Variants in PPP2R2A observed in about 807,000 individuals in gnomAD.
PPP2R2A encodes the protein serine/threonine-protein phosphatase 2A 55 kDa regulatory subunit B alpha isoform.
In PPP2R2A, 9 loss-of-function variants were observed where a neutral mutation model predicts 53.2. That is an observed-to-expected ratio of 0.17 (90% confidence interval 0.10 to 0.30). The LOEUF is 0.30. Ranked by LOEUF, PPP2R2A falls within the 10% of genes least tolerant of loss-of-function variation. The pLI, the probability that PPP2R2A is intolerant of heterozygous loss-of-function variation, is 1.00. For synonymous variants in PPP2R2A, 169 were observed against 174.2 expected, an observed-to-expected ratio of 0.97 and a Z score of 0.23; for missense variants, 235 against 534.6, an observed-to-expected ratio of 0.44 and a Z score of 5.53.
chr8:26,330,224 C>G (rs1173762563), intron 2 of PPP2R2A, among the ~76,000 whole-genome samples: 1 of 151,994 alleles, frequency 6.6e-6, no homozygotes, highest in African/African-American at 2.4e-5. Flanking sequence ...TCTTTCACTT[C>G]AAATAGTATG....
At chr8:26,358,799 A>G (rs1443522797) in intron 4 of PPP2R2A, 1 of 375,800 alleles carries the variant, frequency 2.7e-6, no homozygotes, top group Non-Finnish European at 5.6e-6. Context: ...CAAATAAACA[A>G]TTGAATGGAT....
intron 2 of PPP2R2A, among the ~76,000 whole-genome samples, chr8:26,295,066 A>G (rs1458474234): frequency 6.6e-6 from 1 of 152,222 alleles, no homozygotes; most frequent in Non-Finnish European, 1.5e-5. Flanking sequence ...TACCTGTTGA[A>G]TAGTAAACAC....
intron 8 of PPP2R2A, 60 bp from the exon 9 acceptor site, chr8:26,366,255 T>C (rs1205195255): frequency 7.3e-7 from 1 of 1,361,672 alleles, no homozygotes; most frequent in Non-Finnish European, 1.0e-6. Flanking sequence ...TTTTTAAAGA[T>C]ATGGACTTGT....
At chr8:26,319,704 T>C (rs1194808020) in intron 2 of PPP2R2A, among the ~76,000 whole-genome samples, 2 of 152,162 alleles carry the variant, frequency 1.3e-5, no homozygotes, top group Non-Finnish European at 1.5e-5. Flanking sequence ...CTCTATTCCA[T>C]TGATAGAACC....
chr8:26,314,646 C>T (rs1478642918), intron 2 of PPP2R2A, among the ~76,000 whole-genome samples: 1 of 152,104 alleles, frequency 6.6e-6, no homozygotes, highest in Non-Finnish European at 1.5e-5. Flanking sequence ...GGAGGTGTTT[C>T]TTTTGTCTGT....
At chr8:26,319,577 A>G (rs563629708) in intron 2 of PPP2R2A, among the ~76,000 whole-genome samples, 1 of 151,800 alleles carries the variant, frequency 6.6e-6, no homozygotes, top group Non-Finnish European at 1.5e-5. Flanking sequence ...TTGTGTGTGG[A>G]TATCCAGTTT....
intron 8 of PPP2R2A, 86 bp downstream of exon 8, chr8:26,363,976 C>T (rs1805243981): frequency 8.0e-7 from 1 of 1,251,328 alleles, no homozygotes; most frequent in African/African-American, 1.5e-5. Context: ...AGGTTTTAAT[C>T]CCTGTATGGT....
Position 26,361,163 on chromosome 8 carries a change from G to A in PPP2R2A, c.637+12G>A. On this transcript the variant is annotated intron_variant, in intron 6 of 9. Coordinates refer to ENST00000380737, the MANE Select transcript of PPP2R2A (RefSeq NM_002717.4). Reference sequence around the variant, plus strand: ...AGACAGGAGTTTTAGTATCCATTTGGTTTTCTTTGGTGTTTGGTGAAGAAG... The same window carrying A: ...AGACAGGAGTTTTAGTATCCATTTGATTTTCTTTGGTGTTTGGTGAAGAAG... 2 of 1,568,364 alleles carry A rather than the reference G, an allele frequency of 1.3e-6. No homozygotes were observed. Among genetic ancestry groups the A allele is most frequent in the African/African-American group, 1.4e-5 (1 of 72,724 alleles).
chr8:26,333,605 G>A (rs1486546103), intron 2 of PPP2R2A: 1 of 960,986 alleles, frequency 1.0e-6, no homozygotes, highest in Admixed American at 3.5e-5. Flanking sequence ...TAATAATTTA[G>A]TCTTTTAATG....
At chr8:26,369,876 TC>T (rs2117438532) in intron 9 of PPP2R2A, among the ~76,000 whole-genome samples, 2 of 152,332 alleles carry the variant, frequency 1.3e-5, no homozygotes, top group Admixed American at 1.3e-4. Context: ...AATTCTGCAC[TC>T]CTAAGAAGTT....
chr8:26,317,477 A>G (rs1221889286), intron 2 of PPP2R2A, among the ~76,000 whole-genome samples: 3 of 152,226 alleles, frequency 2.0e-5, no homozygotes, highest in Admixed American at 2.0e-4. Flanking sequence ...TTTTAGGCAC[A>G]GGACAGTATC....
At chr8:26,292,517 A>G (rs1458108977) in intron 1 of PPP2R2A, 18 of 889,650 alleles carry the variant, frequency 2.0e-5, no homozygotes, top group Admixed American at 1.2e-4. Flanking sequence ...CCTTTTCCCA[A>G]AAGGGTTTGG....
At chr8:26,367,514 CAAAG>C (rs1316091625) in intron 9 of PPP2R2A, among the ~76,000 whole-genome samples, 1 of 152,114 alleles carries the variant, frequency 6.6e-6, no homozygotes, top group Non-Finnish European at 1.5e-5. Context: ...TAGAATAACA[CAAAG>C]AACTCTTGGC....
At chr8:26,322,490 A>G (rs1802887556) in intron 2 of PPP2R2A, among the ~76,000 whole-genome samples, 1 of 152,124 alleles carries the variant, frequency 6.6e-6, no homozygotes, top group Non-Finnish European at 1.5e-5. Context: ...ATGATAAACT[A>G]AGAATCCTAA....
At chr8:26,332,461 C>G (rs1803437458) in intron 2 of PPP2R2A, among the ~76,000 whole-genome samples, 1 of 151,442 alleles carries the variant, frequency 6.6e-6, no homozygotes, top group South Asian at 2.1e-4. Context: ...TCTTCCCCTC[C>G]TTTATTTTTA....
intron 2 of PPP2R2A, among the ~76,000 whole-genome samples, chr8:26,328,315 G>C (rs932123480): frequency 6.6e-6 from 1 of 152,078 alleles, no homozygotes; most frequent in Non-Finnish European, 1.5e-5. Context: ...TAAAAACTTA[G>C]TATGAACTAT....
chr8:26,292,337 C>A (rs1801338838), intron 1 of PPP2R2A: 1 of 986,624 alleles, frequency 1.0e-6, no homozygotes, highest in Admixed American at 6.1e-5. Flanking sequence ...TTTTTCCCCA[C>A]TGTAGATGCC....
In PPP2R2A at chr8:26,360,703, G is replaced by A; in HGVS notation, c.460-271G>A. On this transcript the variant is annotated intron_variant, in intron 5 of 9. Transcript: ENST00000380737. The surrounding 1 kb of genome is among the most constrained non-coding windows in gnomAD (Gnocchi z 4.5). ...TAATCTGAACCATAAACATTTATTA[G>A]CTTGGCATGTCTTTCAAGCAAAATA... The A allele has an allele frequency of 1.3e-5, 5 of 398,952 alleles. No homozygotes were observed. The Admixed American group carries it at 2.2e-4, about 18-fold the overall frequency. 24.7% of individuals were successfully genotyped at this position (398,952 alleles called of 1,614,324 possible).
At chr8:26,358,618 ATC>A in intron 4 of PPP2R2A, among the ~76,000 whole-genome samples, 1 of 152,336 alleles carries the variant, frequency 6.6e-6, no homozygotes, top group South Asian at 2.1e-4. Context: ...AGTCACTGGC[ATC>A]TCTCTGAGTT....
Sources: gnomAD v4.1 joint callset for allele counts (sites outside exome capture counted in the v4.1 genomes callset) on GRCh38, gnomAD v4.1.1 for gene constraint, Gnocchi (gnomAD v3.1) non-coding constraint, MANE v1.5 for transcripts, NCBI Gene and HGNC (gene_info 2026-07-23, HGNC 2026-07-21) for gene names.